The following DYNC2I1 variants were observed in gnomAD, a reference collection of about 807,000 sequenced individuals.
The protein encoded by DYNC2I1 is dynein 2 intermediate chain 1.
A neutral mutation model predicts 133.4 loss-of-function variants in DYNC2I1; 89 were observed. The ratio of observed to expected loss-of-function variants is 0.67; its 90% CI spans 0.56 to 0.80. DYNC2I1 has a LOEUF of 0.80. Among genes scored for constraint, DYNC2I1 ranks in the 30% least tolerant of loss-of-function variants. DYNC2I1 has a pLI of 0.00. For synonymous variants in DYNC2I1, 504 were observed against 484.3 expected, an observed-to-expected ratio of 1.04 and a Z score of -0.54; for missense variants, 1,291 against 1,314.5, an observed-to-expected ratio of 0.98 and a Z score of 0.28.
At chr7:158,930,082 C>T (rs1410976865) in intron 20 of DYNC2I1, among the ~76,000 whole-genome samples, 1 of 152,182 alleles carries the variant, frequency 6.6e-6, no homozygotes, top group African/African-American at 2.4e-5. Context: ...GCGTTGGAGC[C>T]TCGGTGGACA....
chr7:158,884,775 A>G (rs1389107225), intron 6 of DYNC2I1, among the ~76,000 whole-genome samples, 156 bp downstream of exon 6: 4 of 152,196 alleles, frequency 2.6e-5, no homozygotes, highest in African/African-American at 9.6e-5. Context: ...GCCCCTCCAA[A>G]TGGGTTGGTA....
chr7:158,941,378 A>G (rs963081345), intron 23 of DYNC2I1, among the ~76,000 whole-genome samples: 2 of 152,218 alleles, frequency 1.3e-5, no homozygotes, highest in African/African-American at 4.8e-5. Context: ...ATTTGTGTTT[A>G]TATATACGCT....
At chr7:158,894,326 A>T (rs1845569889) in intron 8 of DYNC2I1, among the ~76,000 whole-genome samples, 1 of 152,236 alleles carries the variant, frequency 6.6e-6, no homozygotes, top group Admixed American at 6.5e-5. Flanking sequence ...GGAAAAAAAC[A>T]AAATCCAAAG....
chr7:158,883,658 CTTTTTTTTT>C (rs762388455), intron 5 of DYNC2I1, among the ~76,000 whole-genome samples: 1 of 86,160 alleles, frequency 1.2e-5, no homozygotes, highest in African/African-American at 5.0e-5. Context: ...CCAGTGACTT[CTTTTTTTTT>C]TTTTTTTTTT....
rs754479472 is a variant in DYNC2I1, at chr7:158,913,120, G to C, written c.1702+24G>C. 5 of 1,505,224 alleles carry C rather than the reference G, an allele frequency of 3.3e-6. No homozygotes were observed. In the South Asian group the frequency reaches 5.9e-5, roughly 18 times the overall value. The allele number at this position is 1,505,224 out of a possible 1,614,324, so 93.2% of individuals were successfully genotyped here. ...AGGTAACATCTTGCTCTTGAGTGTT[G>C]ACCATTGACTCTCTTTACATTCTTT... On this transcript the variant is annotated intron_variant, in intron 13 of 24. Coordinates refer to ENST00000407559, the MANE Select transcript of DYNC2I1 (RefSeq NM_018051.5).
chr7:158,856,871 T>C (rs1466827584), intron 1 of DYNC2I1, 121 bp downstream of exon 1: 2 of 1,139,438 alleles, frequency 1.8e-6, no homozygotes, highest in Non-Finnish European at 2.2e-6. Context: ...GGGCCGGGGC[T>C]TCCCGGAGGA....
chr7:158,862,752 G>A (rs1470078612), intron 1 of DYNC2I1, among the ~76,000 whole-genome samples: 5 of 151,606 alleles, frequency 3.3e-5, no homozygotes, highest in African/African-American at 4.9e-5. Context: ...AGACCCTCGC[G>A]GCGAGTGTTA....
chr7:158,939,071 GTTTTC>G (rs1239878290), intron 23 of DYNC2I1, among the ~76,000 whole-genome samples: 6 of 152,120 alleles, frequency 3.9e-5, no homozygotes, highest in Non-Finnish European at 8.8e-5. Flanking sequence ...TTTGTTTGGT[GTTTTC>G]TTTCCTTTGT....
intron 7 of DYNC2I1, among the ~76,000 whole-genome samples, chr7:158,889,225 C>T (rs546781292): frequency 2.0e-4 from 31 of 152,112 alleles, no homozygotes; most frequent in Admixed American, 1.8e-3. Context: ...GGACTACAGG[C>T]GCCTGTCACC....
intron 23 of DYNC2I1, among the ~76,000 whole-genome samples, chr7:158,938,862 A>T (rs1167707805): frequency 4.6e-5 from 7 of 152,240 alleles, no homozygotes; most frequent in Admixed American, 3.9e-4. Flanking sequence ...AAACCCATTC[A>T]TGTAATTAAA....
chr7:158,850,661 G>A, the DYNC2I1 span, among the ~76,000 whole-genome samples: 5 of 152,216 alleles, frequency 3.3e-5, no homozygotes, highest in Non-Finnish European at 7.3e-5. Context: ...AGCATTTACT[G>A]GGGCTTATGG....
intron 23 of DYNC2I1, among the ~76,000 whole-genome samples, chr7:158,939,526 G>A (rs1255749667): frequency 1.3e-5 from 2 of 152,164 alleles, no homozygotes; most frequent in Non-Finnish European, 2.9e-5. Context: ...GAACATACTA[G>A]CAGAGAGAAG....
rs951055100 is a variant in DYNC2I1, at chr7:158,913,542, A to G, written c.1702+446A>G. Among the ~76,000 whole-genome samples the G allele has an allele frequency of 7.9e-5, 12 of 152,222 alleles. 1 individual carries two copies. Among genetic ancestry groups the G allele is most frequent in the African/African-American group, 2.9e-4 (12 of 41,446 alleles). ...GTCCCTAGAATATATGGTTTCTGCT[A>G]AGTACTCTGGAGCGATTTACATGTT... On this transcript the variant is annotated intron_variant, in intron 13 of 24. Transcript: ENST00000407559.
rs139941265 is a variant in DYNC2I1, at chr7:158,935,779, C to T, written c.2778+1230C>T. On this transcript the variant is annotated intron_variant, in intron 23 of 24. Coordinates refer to ENST00000407559, the MANE Select transcript of DYNC2I1 (RefSeq NM_018051.5). Reference sequence around the variant, plus strand: ...GTGAATAAAAGAATGTAAAATGTCTCTTTAGGCTGGGTGCTGTGGCTCACG... The same window carrying T: ...GTGAATAAAAGAATGTAAAATGTCTTTTTAGGCTGGGTGCTGTGGCTCACG... Among the ~76,000 whole-genome samples, 1,043 of 152,286 alleles carry T rather than the reference C, an allele frequency of 6.8e-3. 10 individuals are homozygous for T. The highest frequency in any genetic ancestry group is 0.024 in the African/African-American group (987 of 41,548).
intron 3 of DYNC2I1, among the ~76,000 whole-genome samples, chr7:158,874,589 C>G (rs1312037743): frequency 6.6e-6 from 1 of 152,012 alleles, no homozygotes; most frequent in Non-Finnish European, 1.5e-5. Context: ...CTAGTTCTTT[C>G]CTCTGTACAT....
intron 7 of DYNC2I1, among the ~76,000 whole-genome samples, chr7:158,890,005 C>CA (rs35423707): frequency 0.34 from 22,967 of 67,586 alleles, 3,698 homozygotes; most frequent in East Asian, 0.53. Context: ...GACTCCTTCT[C>CA]AAAAAAAAAA....
chr7:158,842,474 G>A, the DYNC2I1 span, among the ~76,000 whole-genome samples: 3 of 152,214 alleles, frequency 2.0e-5, no homozygotes, highest in East Asian at 1.9e-4. Flanking sequence ...GCTTCTCTGA[G>A]TGACCTTGGG....
At chr7:158,932,982 A>T (rs1044933628) in intron 21 of DYNC2I1, among the ~76,000 whole-genome samples, 6 of 152,156 alleles carry the variant, frequency 3.9e-5, no homozygotes, top group African/African-American at 1.4e-4. Context: ...TCCAGTGAGG[A>T]CAGGCTGAGC....
intron 5 of DYNC2I1, among the ~76,000 whole-genome samples, chr7:158,883,532 G>A (rs974234109): frequency 1.3e-5 from 2 of 151,266 alleles, no homozygotes; most frequent in Non-Finnish European, 2.9e-5. Context: ...TATGATTTTT[G>A]ATCCATGATT....
Sources: allele counts gnomAD v4.1 joint callset (sites outside exome capture counted in the v4.1 genomes callset), GRCh38; gene constraint gnomAD v4.1.1; transcripts MANE v1.5; gene names NCBI Gene and HGNC (gene_info 2026-07-23, HGNC 2026-07-21).